MS4A4A: variants seen among roughly 807,000 people sequenced by gnomAD.
The protein encoded by MS4A4A is membrane-spanning 4-domains subfamily A member 4A.
Under a neutral mutation model 28.0 loss-of-function variants are expected in MS4A4A, and 26 were observed. That is an observed-to-expected ratio of 0.93 (90% CI 0.68 to 1.29). The LOEUF (loss-of-function observed/expected upper bound fraction) is 1.29. MS4A4A is among the 50% of genes most tolerant of loss of function. The pLI is 0.00. For missense variants in MS4A4A, 290 were observed against 293.1 expected (o/e 0.99, Z 0.08); for synonymous variants, 86 against 100.8 (o/e 0.85, Z 0.88).
intron 4 of MS4A4A, among the ~76,000 whole-genome samples, chr11:60,301,888 T>C (rs914805030): frequency 1.3e-5 from 2 of 152,248 alleles, no homozygotes; most frequent in African/African-American, 4.8e-5. Flanking sequence ...CAAGTGATTC[T>C]CCTGCCTTAG....
chr11:60,289,094 C>G (rs1035618705), intron 1 of MS4A4A, among the ~76,000 whole-genome samples: 1 of 152,044 alleles, frequency 6.6e-6, no homozygotes, highest in Non-Finnish European at 1.5e-5. Flanking sequence ...GTGGTTAAGC[C>G]TCAGAGATAG....
intron 3 of MS4A4A, among the ~76,000 whole-genome samples, 165 bp downstream of exon 3, chr11:60,297,490 T>C (rs1189342159): frequency 6.6e-6 from 1 of 152,208 alleles, no homozygotes; most frequent in East Asian, 1.9e-4. Flanking sequence ...CTACAAATAA[T>C]ATAGTATTAT....
At chr11:60,281,017 A>G (rs913695265) in intron 1 of MS4A4A, among the ~76,000 whole-genome samples, 1 of 152,228 alleles carries the variant, frequency 6.6e-6, no homozygotes, top group Admixed American at 6.5e-5. Context: ...CAAAACACTG[A>G]AAGCAACATT....
chr11:60,288,485 G>A (rs749956645), intron 1 of MS4A4A, among the ~76,000 whole-genome samples: 6 of 152,216 alleles, frequency 3.9e-5, no homozygotes, highest in Non-Finnish European at 5.9e-5. Context: ...AGGGATGGAA[G>A]AGTTACTGAT....
chr11:60,291,813 A>AAC (rs1361201643), intron 1 of MS4A4A, among the ~76,000 whole-genome samples: 12 of 151,918 alleles, frequency 7.9e-5, no homozygotes, highest in African/African-American at 2.7e-4. Flanking sequence ...AAAAAACAAA[A>AAC]AAACAAAACT....
intron 1 of MS4A4A, among the ~76,000 whole-genome samples, chr11:60,287,808 T>C (rs2084816055): frequency 6.6e-6 from 1 of 152,198 alleles, no homozygotes; most frequent in Non-Finnish European, 1.5e-5. Context: ...AGAATAGACT[T>C]TCTCAGTTCA....
chr11:60,286,859 T>G (rs899948085), intron 1 of MS4A4A, among the ~76,000 whole-genome samples: 1 of 152,230 alleles, frequency 6.6e-6, no homozygotes, highest in Non-Finnish European at 1.5e-5. Flanking sequence ...AAGATTTAAT[T>G]CATTTATATT....
chr11:60,282,574 T>C, intron 1 of MS4A4A: 1 of 1,281,862 alleles, frequency 7.8e-7, no homozygotes, highest in Non-Finnish European at 1.0e-6. Flanking sequence ...ATGTGGTGGG[T>C]TTGTTTTTGT....
At chr11:60,300,409 G>T (rs2084941211) in intron 3 of MS4A4A, among the ~76,000 whole-genome samples, 1 of 152,030 alleles carries the variant, frequency 6.6e-6, no homozygotes, top group African/African-American at 2.4e-5. Context: ...GAGGTCAGGA[G>T]ATCAAGACCA....
chr11:60,291,829 A>C (rs190674086), intron 1 of MS4A4A, among the ~76,000 whole-genome samples: 1 of 152,024 alleles, frequency 6.6e-6, no homozygotes, highest in Non-Finnish European at 1.5e-5. Context: ...AAACTAAAAA[A>C]CAAAGTAATC....
chr11:60,292,220 T>C lies in MS4A4A; in HGVS notation c.42-5T>C, dbSNP rs372009292. 6.5e-7 allele frequency: 1 copy of C among 1,538,492 alleles called. No homozygotes were observed. The highest frequency in any genetic ancestry group is 1.4e-5 in the African/African-American group (1 of 70,832). On this transcript the variant is annotated splice_polypyrimidine_tract_variant and splice_region_variant and intron_variant, in intron 1 of 6. Coordinates refer to ENST00000337908, the MANE Select transcript of MS4A4A (RefSeq NM_148975.3). ...CATCATACTAAATTACATTTCTTATTGTAGCACCTTTTCTGCTGCCATGAC... is the reference window on the plus strand; with the variant it reads ...CATCATACTAAATTACATTTCTTATCGTAGCACCTTTTCTGCTGCCATGAC...
intron 2 of MS4A4A, among the ~76,000 whole-genome samples, chr11:60,295,306 TA>T (rs1314162395): frequency 6.6e-6 from 1 of 152,136 alleles, no homozygotes; most frequent in Admixed American, 6.5e-5. Flanking sequence ...TATAAGTACA[TA>T]AGAAAGTAAT....
At chr11:60,298,150 A>T (rs2084922326) in intron 3 of MS4A4A, among the ~76,000 whole-genome samples, 1 of 152,028 alleles carries the variant, frequency 6.6e-6, no homozygotes, top group African/African-American at 2.4e-5. Context: ...TTTAATGCAA[A>T]TTGAGAGTAA....
intron 1 of MS4A4A, among the ~76,000 whole-genome samples, chr11:60,282,174 A>G (rs1165745184): frequency 6.6e-6 from 1 of 152,198 alleles, no homozygotes; most frequent in Non-Finnish European, 1.5e-5. Flanking sequence ...CTTTATTTTG[A>G]TATAATTGCT....
rs2084908832 is a variant in MS4A4A at position 60,296,751 on chromosome 11, CCT to C, written c.202-444_202-443del. On this transcript the variant is annotated intron_variant, in intron 2 of 6. Coordinates refer to ENST00000337908, the MANE Select transcript of MS4A4A (RefSeq NM_148975.3). Reference sequence around the variant, plus strand: ...GATCCCTGTGTACTCATACTTGTGTCCTCATACCCCAGACTTCAAGAAAATAT... The same window carrying C: ...GATCCCTGTGTACTCATACTTGTGTCCATACCCCAGACTTCAAGAAAATAT... 5.1e-5 allele frequency: 11 copies of C among 215,276 alleles called. No homozygotes were observed. The South Asian group carries it at 8.2e-4, about 16-fold the overall frequency. The allele number at this position is 215,276 out of a possible 1,614,324, so 13.3% of individuals were successfully genotyped here. A position where few individuals can be genotyped will look rare whatever the true frequency, so the allele number is the denominator to read the frequency against.
chr11:60,287,257 T>C (rs901017108), intron 1 of MS4A4A, among the ~76,000 whole-genome samples: 2 of 152,236 alleles, frequency 1.3e-5, no homozygotes, highest in African/African-American at 4.8e-5. Context: ...CTTATAGCTC[T>C]AGAGGCTGGG....
chr11:60,307,423 G>T (rs2085013079), intron 6 of MS4A4A, among the ~76,000 whole-genome samples: 1 of 152,206 alleles, frequency 6.6e-6, no homozygotes, highest in South Asian at 2.1e-4. Flanking sequence ...TAATTTCATT[G>T]AGTAAAGCTT....
At chr11:60,281,295 G>C (rs2084753592) in intron 1 of MS4A4A, among the ~76,000 whole-genome samples, 1 of 152,094 alleles carries the variant, frequency 6.6e-6, no homozygotes, top group African/African-American at 2.4e-5. Flanking sequence ...GATAAAATCT[G>C]CTAATGAAAA....
At chr11:60,286,277 G>A (rs1024745480) in intron 1 of MS4A4A, among the ~76,000 whole-genome samples, 4 of 152,100 alleles carry the variant, frequency 2.6e-5, no homozygotes, top group African/African-American at 4.8e-5. Flanking sequence ...TGCAGTTAAC[G>A]CAAGCATCAC....
Sources: allele counts gnomAD v4.1 joint callset (sites outside exome capture counted in the v4.1 genomes callset), GRCh38; gene constraint gnomAD v4.1.1; transcripts MANE v1.5; gene names NCBI Gene and HGNC (gene_info 2026-07-23, HGNC 2026-07-21).